The following DPM1 variants were observed in gnomAD, a reference collection of about 807,000 sequenced individuals.
The protein encoded by DPM1 is dolichyl-phosphate mannosyltransferase subunit 1, catalytic, also known as dolichol-phosphate mannosyltransferase subunit 1.
Under a neutral mutation model 39.0 loss-of-function variants are expected in DPM1, and 27 were observed. The observed-to-expected ratio is 0.69, with a 90% confidence interval of 0.51 to 0.95. The LOEUF (loss-of-function observed/expected upper bound fraction) is 0.95, where lower values mean the gene tolerates loss of function less well. DPM1 is among the 40% of genes least tolerant of loss of function. The pLI is 0.00. For missense variants in DPM1, 307 were observed against 315.6 expected (o/e 0.97, Z 0.21); for synonymous variants, 124 against 109.0 (o/e 1.14, Z -0.86).
At chr20:50,939,239 G>A (rs1178982644) in intron 7 of DPM1, among the ~76,000 whole-genome samples, 1 of 152,028 alleles carries the variant, frequency 6.6e-6, no homozygotes, top group African/African-American at 2.4e-5. Context: ...GTTACCCTAG[G>A]TTTTTATTCA....
intron 1 of DPM1, among the ~76,000 whole-genome samples, chr20:50,957,333 C>T (rs1196803894): frequency 6.6e-6 from 1 of 152,072 alleles, no homozygotes; most frequent in Non-Finnish European, 1.5e-5. Context: ...TTCTTTAGAG[C>T]AATTTGGCAG....
chr20:50,946,030 TAAAAG>T, intron 3 of DPM1, 107 bp from the exon 4 acceptor site: 2 of 934,712 alleles, frequency 2.1e-6, no homozygotes, highest in Non-Finnish European at 3.4e-6. Flanking sequence ...ATTAGTTCTC[TAAAAG>T]TCAGATTAAT....
chr20:50,944,114 C>A (rs532188726), intron 5 of DPM1, among the ~76,000 whole-genome samples: 1 of 152,334 alleles, frequency 6.6e-6, no homozygotes, highest in Non-Finnish European at 1.5e-5. Flanking sequence ...GTTATAGCAA[C>A]TTATACTTCC....
At chr20:50,938,445 C>T (rs1214751888) in intron 7 of DPM1, among the ~76,000 whole-genome samples, 1 of 150,586 alleles carries the variant, frequency 6.6e-6, no homozygotes, top group African/African-American at 2.4e-5. Flanking sequence ...GAGTGCAGTG[C>T]AATCTCGGCT....
At chr20:50,946,060 C>A in intron 3 of DPM1, 137 bp from the exon 4 acceptor site, 1 of 771,464 alleles carries the variant, frequency 1.3e-6, no homozygotes, top group Admixed American at 2.0e-5. Context: ...TGGTATTTTT[C>A]ACCTTAAGTA....
chr20:50,940,789 G>A, intron 7 of DPM1, 76 bp downstream of exon 7: 2 of 1,180,846 alleles, frequency 1.7e-6, no homozygotes, highest in Non-Finnish European at 2.5e-6. Context: ...GAAATGTAAA[G>A]TGTCTCTTTA....
At chr20:50,941,012 A>G (rs897212655) in intron 6 of DPM1, 79 bp from the exon 7 acceptor site, 2 of 1,249,072 alleles carry the variant, frequency 1.6e-6, no homozygotes, top group Non-Finnish European at 2.3e-6. Context: ...ACAGTGTTAA[A>G]ATGCTATACT....
At chr20:50,941,476 C>A (rs930796698) in intron 6 of DPM1, among the ~76,000 whole-genome samples, 4 of 148,982 alleles carry the variant, frequency 2.7e-5, no homozygotes, top group Non-Finnish European at 5.9e-5. Context: ...TACTGGGAAG[C>A]TGAGGCAGGC....
chr20:50,955,352 T>C, intron 1 of DPM1, 67 bp from the exon 2 acceptor site: 1 of 1,131,538 alleles, frequency 8.8e-7, no homozygotes, highest in Non-Finnish European at 1.3e-6. Context: ...AATTTAAAAA[T>C]TACTAATTCC....
chr20:50,958,181 G>A (rs1487522106), intron 1 of DPM1, among the ~76,000 whole-genome samples, 182 bp downstream of exon 1: 2 of 152,202 alleles, frequency 1.3e-5, no homozygotes, highest in Admixed American at 6.5e-5. Context: ...GAGAACCCAG[G>A]ACACGAAGAA....
At chr20:50,943,876 A>G (rs1986086814) in intron 5 of DPM1, among the ~76,000 whole-genome samples, 1 of 151,654 alleles carries the variant, frequency 6.6e-6, no homozygotes, top group Non-Finnish European at 1.5e-5. Flanking sequence ...AGTAGCTGGG[A>G]CTACAGGTGC....
intron 2 of DPM1, among the ~76,000 whole-genome samples, chr20:50,951,795 A>T (rs3787209): frequency 0.073 from 10,732 of 147,578 alleles, 418 homozygotes; most frequent in Middle Eastern, 0.12. Context: ...TCTCAAAAAA[A>T]AAATAAATAA....
chr20:50,934,988 A>T lies in DPM1; in HGVS notation c.*144T>A. On this transcript the variant is annotated 3_prime_UTR_variant, in exon 9 of 9. Coordinates refer to ENST00000371588, the MANE Select transcript of DPM1 (RefSeq NM_003859.3). Reference sequence around the variant, plus strand: ...TAAAATTATTTAATTTGAAATATAAAATAGGTGGTCTTCATAAAAAGATGC... The same window carrying T: ...TAAAATTATTTAATTTGAAATATAATATAGGTGGTCTTCATAAAAAGATGC... The T allele has an allele frequency of 1.7e-6, 1 of 590,732 alleles. No homozygotes were observed. 36.6% of individuals were successfully genotyped at this position (590,732 alleles called of 1,614,324 possible).
chr20:50,940,691 A>G (rs761943333), intron 7 of DPM1, among the ~76,000 whole-genome samples, 174 bp downstream of exon 7: 12 of 152,238 alleles, frequency 7.9e-5, no homozygotes, highest in South Asian at 2.1e-4. Flanking sequence ...GAAAAGCACA[A>G]TATGTCTCCT....
At chr20:50,958,306 C>A in intron 1 of DPM1, 57 bp downstream of exon 1, 1 of 1,600,488 alleles carries the variant, frequency 6.2e-7, no homozygotes, top group Non-Finnish European at 8.5e-7. Context: ...CTGCCGACAC[C>A]CGGGCCGGGG....
chr20:50,947,468 A>T (rs17726944), intron 3 of DPM1, among the ~76,000 whole-genome samples: 1 of 152,168 alleles, frequency 6.6e-6, no homozygotes, highest in Non-Finnish European at 1.5e-5. Context: ...TACTGAGAAC[A>T]TTTGATGCTT....
intron 5 of DPM1, among the ~76,000 whole-genome samples, chr20:50,943,131 C>T (rs1203113417): frequency 6.6e-6 from 1 of 151,748 alleles, no homozygotes; most frequent in Non-Finnish European, 1.5e-5. Context: ...ACTGAGACTG[C>T]GCCACTGCAC....
chr20:50,945,853 T>A lies in DPM1; in HGVS notation c.366A>T (p.Ser122=). Residue 122 remains serine, a synonymous_variant, in exon 4 of 9, where the codon TCA becomes TCT. Coordinates refer to ENST00000371588, the MANE Select transcript of DPM1 (RefSeq NM_003859.3). ...NYIIIMDADL[S]HHPKFIPEFI... is the part of the protein sequence containing the mutation. The stretch of plus-strand genomic sequence containing the variant: ...AAAGAAACATACCACTTACATGGTG[T>A]GAGAGATCAGCATCCATAATAATGA... 1 of 1,613,452 alleles carries A rather than the reference T, an allele frequency of 6.2e-7. No individual in the cohort carries two copies. The highest frequency in any genetic ancestry group is 8.5e-7 in the Non-Finnish European group (1 of 1,179,520).
chr20:50,942,015 T>C lies in DPM1; in HGVS notation c.494+16A>G. 6.3e-7 allele frequency: 1 copy of C among 1,595,448 alleles called. No individual in the cohort carries two copies. Among genetic ancestry groups the C allele is most frequent in the Non-Finnish European group, 8.6e-7 (1 of 1,163,034 alleles). On this transcript the variant is annotated intron_variant, in intron 6 of 8. Transcript: ENST00000371588. ...AGTAGTTATACTAATAAAGAAGTTG[T>C]AACACATGTACCTACCTGATTATTT...
Sources: gnomAD v4.1 joint callset for allele counts (sites outside exome capture counted in the v4.1 genomes callset) on GRCh38, gnomAD v4.1.1 for gene constraint, MANE v1.5 for transcripts, NCBI Gene and HGNC (gene_info 2026-07-23, HGNC 2026-07-21) for gene names.